Variants in LARP4B observed in about 807,000 individuals in gnomAD.
LARP4B encodes la-related protein 4B.
Under a neutral mutation model 89.8 loss-of-function variants are expected in LARP4B, and 12 were observed. The ratio of observed to expected loss-of-function variants is 0.13; its 90% CI spans 0.09 to 0.22. The LOEUF (loss-of-function observed/expected upper bound fraction) is 0.22, where lower values mean the gene tolerates loss of function less well. Among genes scored for constraint, LARP4B ranks in the 10% least tolerant of loss-of-function variants. The probability of loss-of-function intolerance (pLI) is 1.00; values close to 1 mark genes in which losing one functional copy is unlikely to be tolerated. For missense variants in LARP4B, 757 were observed against 947.7 expected (o/e 0.80, Z 2.64); for synonymous variants, 367 against 363.3 (o/e 1.01, Z -0.12).
At chr10:867,476 T>A (rs928359814) in intron 3 of LARP4B, among the ~76,000 whole-genome samples, 1 of 152,210 alleles carries the variant, frequency 6.6e-6, no homozygotes, top group Non-Finnish European at 1.5e-5. Flanking sequence ...TGAGAAATAG[T>A]TTGTATTAAA....
At position 811,985 on chromosome 10, in the gene LARP4B, C is replaced by T. The variant is rs1831755340; in HGVS notation, c.*941G>A. On this transcript the variant is annotated 3_prime_UTR_variant, in exon 18 of 18. Transcript: ENST00000316157. ...CACAAACACCATTCTCTCACGATTA[C>T]ATAACTCTTAAATCCATGTGCTGAT... is the stretch of plus-strand genomic sequence containing the variant. The T allele has an allele frequency of 6.6e-6, 1 of 152,510 alleles. No homozygotes were observed. 9.4% of individuals were successfully genotyped at this position (152,510 alleles called of 1,614,324 possible). A position where few individuals can be genotyped will look rare whatever the true frequency, so the allele number is the denominator to read the frequency against.
intron 2 of LARP4B, 37 bp downstream of exon 2, chr10:885,604 C>A: frequency 1.3e-6 from 2 of 1,515,242 alleles, no homozygotes; most frequent in South Asian, 1.2e-5. Context: ...TCAAAAAAAG[C>A]AATGGACTCC....
Position 811,863 on chromosome 10 carries a change from GA to G in LARP4B, c.*1062del, listed in dbSNP as rs1831751965. On this transcript the variant is annotated 3_prime_UTR_variant, in exon 18 of 18. Transcript: ENST00000316157. ...AACTTTAGTGCATCCTTGTTCTTCA[GA>G]AGTGCAGCACTTCTGGAAGTGAATC... 2 of 152,318 alleles carry G rather than the reference GA, an allele frequency of 1.3e-5. No individual in the cohort carries two copies. The highest frequency in any genetic ancestry group is 2.9e-5 in the Non-Finnish European group (2 of 68,020). 9.4% of individuals were successfully genotyped at this position (152,318 alleles called of 1,614,324 possible).
chr10:945,561 G>A, the LARP4B span, among the ~76,000 whole-genome samples: 229 of 151,878 alleles, frequency 1.5e-3, no homozygotes, highest in East Asian at 0.03. Context: ...GGTGGCGGGC[G>A]CCTGTAGTCC....
chr10:925,036 T>C (rs1285366122), intron 1 of LARP4B, among the ~76,000 whole-genome samples: 1 of 152,208 alleles, frequency 6.6e-6, no homozygotes, highest in African/African-American at 2.4e-5. Flanking sequence ...TGGTATGTTA[T>C]AGTGTCATAA....
rs1451370218 is a variant in LARP4B, at chr10:825,590, T to A, written c.1232+174A>T. On this transcript the variant is annotated intron_variant, in intron 12 of 17. Coordinates refer to ENST00000316157, the MANE Select transcript of LARP4B (RefSeq NM_015155.3). ...TGCCCCAAAGCCTCCTCTCAGAGAA[T>A]CTGAGGCGGGCACCCATGCCAGATT... Among the ~76,000 whole-genome samples, 2 of 152,244 alleles carry A rather than the reference T, an allele frequency of 1.3e-5. 1 individual carries two copies. The highest frequency in any genetic ancestry group is 3.8e-4 in the East Asian group (2 of 5,200).
the LARP4B span, chr10:972,151 C>T: frequency 4.1e-6 from 1 of 241,550 alleles, no homozygotes; most frequent in South Asian, 5.5e-5. Context: ...CCTCAGCCTC[C>T]TGAGTAGCTA....
chr10:855,521 C>G (rs1338091320), intron 5 of LARP4B, among the ~76,000 whole-genome samples: 1 of 152,098 alleles, frequency 6.6e-6, no homozygotes, highest in South Asian at 2.1e-4. Flanking sequence ...GTTAGTGGAG[C>G]AGTCAGAACA....
the LARP4B span, among the ~76,000 whole-genome samples, chr10:984,323 T>C: frequency 2.6e-5 from 4 of 152,232 alleles, no homozygotes; most frequent in Admixed American, 2.0e-4. Context: ...AAATTGATCA[T>C]ACAAGCATAA....
At chr10:943,987 A>G in the LARP4B span, among the ~76,000 whole-genome samples, 1 of 152,142 alleles carries the variant, frequency 6.6e-6, no homozygotes, top group Non-Finnish European at 1.5e-5. Context: ...GAAGAACATG[A>G]ATAGCATGAT....
chr10:965,356 A>G, the LARP4B span, among the ~76,000 whole-genome samples: 1 of 152,294 alleles, frequency 6.6e-6, no homozygotes, highest in African/African-American at 2.4e-5. Flanking sequence ...GAGGCCCCCA[A>G]GGCCTGGGCT....
chr10:838,475 C>A (rs1227769143), intron 7 of LARP4B, among the ~76,000 whole-genome samples: 1 of 152,152 alleles, frequency 6.6e-6, no homozygotes, highest in African/African-American at 2.4e-5. Context: ...AGACACTTCA[C>A]AAAAGATTTA....
intron 1 of LARP4B, among the ~76,000 whole-genome samples, chr10:924,107 G>C (rs1837067317): frequency 6.6e-6 from 1 of 151,986 alleles, no homozygotes; most frequent in Admixed American, 6.6e-5. Context: ...GCCAGGTGTG[G>C]TGGCATGCAC....
At chr10:869,908 AATAATAAT>A (rs1835110532) in intron 3 of LARP4B, 1 of 3,142 alleles carries the variant, frequency 3.2e-4, no homozygotes. Context: ...AAAAATAAAT[AATAATAAT>A]AATAATAATA....
intron 3 of LARP4B, among the ~76,000 whole-genome samples, chr10:871,946 G>T (rs1383711918): frequency 4.6e-5 from 7 of 152,154 alleles, no homozygotes; most frequent in African/African-American, 1.7e-4. Flanking sequence ...TGCAACACAT[G>T]CAGTGTCAGT....
chr10:859,632 T>C (rs1834488204), intron 5 of LARP4B, among the ~76,000 whole-genome samples: 2 of 152,188 alleles, frequency 1.3e-5, no homozygotes, highest in Non-Finnish European at 1.5e-5. Context: ...AACCAAGATG[T>C]CCTTCAGTAG....
At chr10:858,693 T>G (rs191149933) in intron 5 of LARP4B, among the ~76,000 whole-genome samples, 17 of 152,176 alleles carry the variant, frequency 1.1e-4, no homozygotes, top group Admixed American at 9.2e-4. Context: ...CTAAAGACAT[T>G]AACAAAAACC....
Position 828,995 on chromosome 10 carries a change from T to C in LARP4B, c.1125+390A>G, listed in dbSNP as rs1431261146. On this transcript the variant is annotated intron_variant, in intron 11 of 17. Coordinates refer to ENST00000316157, the MANE Select transcript of LARP4B (RefSeq NM_015155.3). Reference sequence around the variant, plus strand: ...TAATGCTGGTGAGAAGTGAGTAAAATAAGGCTGGTAAAACAGCAGGCCTTC... The same window carrying C: ...TAATGCTGGTGAGAAGTGAGTAAAACAAGGCTGGTAAAACAGCAGGCCTTC... 3.3e-5 allele frequency among the ~76,000 whole-genome samples: 5 copies of C among 152,288 alleles called. No individual in the cohort carries two copies. In the East Asian group the frequency reaches 9.7e-4, roughly 29 times the overall value.
intron 5 of LARP4B, among the ~76,000 whole-genome samples, chr10:856,560 A>G (rs1334098585): frequency 6.6e-6 from 1 of 152,204 alleles, no homozygotes; most frequent in Non-Finnish European, 1.5e-5. Flanking sequence ...CAAGGCGAGG[A>G]CAGAAAACAC....
Sources: allele counts gnomAD v4.1 joint callset (sites outside exome capture counted in the v4.1 genomes callset), GRCh38; gene constraint gnomAD v4.1.1; transcripts MANE v1.5; gene names NCBI Gene and HGNC (gene_info 2026-07-23, HGNC 2026-07-21).